NRXN1: variants seen among roughly 807,000 people sequenced by gnomAD.
NRXN1 encodes neurexin-1.
A neutral mutation model predicts 150.9 loss-of-function variants in NRXN1; 39 were observed. The ratio of observed to expected loss-of-function variants is 0.26; its 90% CI spans 0.20 to 0.34. NRXN1 has a LOEUF of 0.34. Among genes scored for constraint, NRXN1 ranks in the 10% least tolerant of loss-of-function variants. NRXN1 has a pLI of 1.00. For missense variants in NRXN1, 1,815 were observed against 1,949.9 expected (o/e 0.93, Z 1.30); for synonymous variants, 924 against 757.0 (o/e 1.22, Z -3.62).
intron 17 of NRXN1, among the ~76,000 whole-genome samples, chr2:50,303,152 C>G (rs1412469310): frequency 6.6e-6 from 1 of 152,152 alleles, no homozygotes; most frequent in Non-Finnish European, 1.5e-5. Context: ...TCCACATTTT[C>G]TTCTTTTAAG....
Position 50,282,815 on chromosome 2 carries a change from T to C in NRXN1, c.3365-45845A>G, listed in dbSNP as rs545988350. 2.0e-5 allele frequency among the ~76,000 whole-genome samples: 3 copies of C among 152,284 alleles called. No homozygotes were observed. In the East Asian group the frequency reaches 5.8e-4, roughly 29 times the overall value. On this transcript the variant is annotated intron_variant, in intron 17 of 22. Transcript: ENST00000401669. The stretch of plus-strand genomic sequence containing the variant: ...GGAGCAGCAAAATAATTTTGAGTAG[T>C]CGAGGCAAACAGATATCCATGTGCT...
chr2:50,177,456 T>C (rs956777087), intron 18 of NRXN1, among the ~76,000 whole-genome samples: 2 of 151,938 alleles, frequency 1.3e-5, no homozygotes, highest in African/African-American at 4.8e-5. Flanking sequence ...TAGAAAAGTA[T>C]ATTATTTGAA....
At chr2:50,229,236 T>G (rs536520775) in intron 18 of NRXN1, among the ~76,000 whole-genome samples, 2 of 152,154 alleles carry the variant, frequency 1.3e-5, no homozygotes, top group South Asian at 4.1e-4. Context: ...TCATCTTGTT[T>G]TCTGGTCTTT....
intron 21 of NRXN1, chr2:50,023,704 G>A (rs1324092917): frequency 6.6e-6 from 1 of 152,018 alleles, no homozygotes; most frequent in Non-Finnish European, 1.5e-5. Flanking sequence ...TATATGGCTG[G>A]TCTTCCTTGG....
intron 5 of NRXN1, among the ~76,000 whole-genome samples, chr2:50,920,875 A>G (rs1305770560): frequency 6.6e-6 from 1 of 151,746 alleles, no homozygotes; most frequent in Admixed American, 6.6e-5. Context: ...CACATTTAAA[A>G]TTGATATCAT....
intron 17 of NRXN1, among the ~76,000 whole-genome samples, chr2:50,339,653 C>CT (rs917612732): frequency 8.5e-5 from 13 of 152,240 alleles, no homozygotes; most frequent in African/African-American, 1.4e-4. Flanking sequence ...AGTGTTAAAG[C>CT]TTTTTAGTAT....
intron 19 of NRXN1, among the ~76,000 whole-genome samples, chr2:50,071,195 TTATC>T (rs1478103986): frequency 2.0e-5 from 3 of 152,232 alleles, no homozygotes; most frequent in African/African-American, 7.2e-5. Context: ...GATTAACACT[TTATC>T]TAATACTTTT....
At chr2:50,971,512 G>T (rs1694993925) in intron 2 of NRXN1, among the ~76,000 whole-genome samples, 1 of 152,144 alleles carries the variant, frequency 6.6e-6, no homozygotes, top group Non-Finnish European at 1.5e-5. Context: ...GAACCCAGGA[G>T]GAGGAGGTTG....
intron 8 of NRXN1, among the ~76,000 whole-genome samples, chr2:50,598,644 G>C (rs1192925814): frequency 6.8e-6 from 1 of 146,506 alleles, no homozygotes; most frequent in Non-Finnish European, 1.5e-5. Context: ...ATATATGTGT[G>C]TGTATCTATA....
At chr2:50,088,341 A>G (rs1379169791) in intron 19 of NRXN1, among the ~76,000 whole-genome samples, 3 of 152,278 alleles carry the variant, frequency 2.0e-5, no homozygotes, top group South Asian at 4.1e-4. Context: ...CACAGAGCAG[A>G]TGATTAATAA....
At chr2:50,832,428 G>A (rs1041401097) in intron 5 of NRXN1, among the ~76,000 whole-genome samples, 14 of 152,084 alleles carry the variant, frequency 9.2e-5, no homozygotes, top group African/African-American at 3.1e-4. Flanking sequence ...ACGGTGGGCC[G>A]ATCACCTGTG....
chr2:50,544,130 C>T (rs2093443718), intron 9 of NRXN1, among the ~76,000 whole-genome samples: 1 of 152,064 alleles, frequency 6.6e-6, no homozygotes, highest in African/African-American at 2.4e-5. Flanking sequence ...TCTGCTCCAC[C>T]TGTCCCTACA....
intron 17 of NRXN1, among the ~76,000 whole-genome samples, chr2:50,386,381 C>T (rs1384666466): frequency 6.6e-6 from 1 of 151,402 alleles, no homozygotes; most frequent in Non-Finnish European, 1.5e-5. Context: ...GTGATCTCAA[C>T]ACAAGCCAAT....
At chr2:50,207,309 A>G (rs2062672756) in intron 18 of NRXN1, among the ~76,000 whole-genome samples, 1 of 152,010 alleles carries the variant, frequency 6.6e-6, no homozygotes, top group Non-Finnish European at 1.5e-5. Flanking sequence ...TACTTTTCAT[A>G]TTTACCTACC....
chr2:50,499,049 T>A (rs950680442), intron 13 of NRXN1, among the ~76,000 whole-genome samples: 1 of 152,218 alleles, frequency 6.6e-6, no homozygotes, highest in African/African-American at 2.4e-5. Context: ...CTTTGGCCAG[T>A]TTGACAAATT....
At chr2:49,955,419 T>C (rs1413629098) in intron 21 of NRXN1, among the ~76,000 whole-genome samples, 1 of 151,952 alleles carries the variant, frequency 6.6e-6, no homozygotes, top group African/African-American at 2.4e-5. Context: ...GGTAGAGAAA[T>C]AGCAAAAAGT....
chr2:51,003,728 G>A (rs1026888350), intron 2 of NRXN1, among the ~76,000 whole-genome samples: 1 of 151,810 alleles, frequency 6.6e-6, no homozygotes, highest in African/African-American at 2.4e-5. Context: ...TCTGCCACAA[G>A]GAAGGACAAA....
At chr2:50,923,530 A>G (rs926325708) in intron 3 of NRXN1, 5 of 231,794 alleles carry the variant, frequency 2.2e-5, no homozygotes, top group Non-Finnish European at 4.6e-5. Context: ...CAAACTGAAG[A>G]GCACTTCTCT....
At chr2:50,854,181 T>C (rs569997363) in intron 5 of NRXN1, among the ~76,000 whole-genome samples, 2 of 152,186 alleles carry the variant, frequency 1.3e-5, no homozygotes, top group South Asian at 4.1e-4. Flanking sequence ...TGGGAGCTTA[T>C]TATTTGAATA....
Sources: gnomAD v4.1 joint callset for allele counts (sites outside exome capture counted in the v4.1 genomes callset) on GRCh38, gnomAD v4.1.1 for gene constraint, MANE v1.5 for transcripts, NCBI Gene and HGNC (gene_info 2026-07-23, HGNC 2026-07-21) for gene names.